FOCAD: variants seen among roughly 807,000 people sequenced by gnomAD.
FOCAD encodes KIAA1797.
A neutral mutation model predicts 225.6 loss-of-function variants in FOCAD; 198 were observed. That is an observed-to-expected ratio of 0.88 (90% confidence interval 0.78 to 0.99). The LOEUF (loss-of-function observed/expected upper bound fraction) is 0.99, where lower values mean the gene tolerates loss of function less well. FOCAD is among the 50% of genes least tolerant of loss of function. FOCAD has a pLI of 0.00. For synonymous variants in FOCAD, 897 were observed against 755.0 expected (o/e 1.19, Z -3.08); for missense variants, 2,713 against 2,123.6 (o/e 1.28, Z -5.46).
intron 19 of FOCAD, among the ~76,000 whole-genome samples, chr9:20,878,121 T>A (rs1315792582): frequency 1.5e-5 from 2 of 132,064 alleles, no homozygotes; most frequent in Non-Finnish European, 3.3e-5. Context: ...GGAGTCATAT[T>A]TGTAAAAAAA....
intron 39 of FOCAD, among the ~76,000 whole-genome samples, chr9:20,984,081 G>A (rs529721203): frequency 1.3e-5 from 2 of 152,300 alleles, no homozygotes; most frequent in Non-Finnish European, 2.9e-5. Flanking sequence ...CCCCAAAAGA[G>A]TTAGTCTGCT....
At chr9:20,664,767 T>C (rs368125817) in intron 2 of FOCAD, among the ~76,000 whole-genome samples, 8 of 151,830 alleles carry the variant, frequency 5.3e-5, no homozygotes, top group African/African-American at 1.5e-4. Flanking sequence ...GCGTGAGCCA[T>C]TGTGCCCGGC....
chr9:20,847,781 T>C (rs1827263690), intron 15 of FOCAD, among the ~76,000 whole-genome samples: 1 of 152,092 alleles, frequency 6.6e-6, no homozygotes, highest in Non-Finnish European at 1.5e-5. Context: ...AAAACATAAA[T>C]GTCAGTTCTT....
chr9:20,891,254 A>G (rs941024502), intron 21 of FOCAD, among the ~76,000 whole-genome samples: 5 of 152,210 alleles, frequency 3.3e-5, no homozygotes, highest in Non-Finnish European at 7.3e-5. Context: ...ACACAACAAT[A>G]TTGAAATTAG....
In FOCAD at chr9:20,943,816, A is replaced by C. The variant is rs73426737; in HGVS notation, c.3408-811A>C. 6.3e-3 allele frequency among the ~76,000 whole-genome samples: 962 copies of C among 152,288 alleles called. 10 individuals carry two copies. The highest frequency in any genetic ancestry group is 0.021 in the African/African-American group (879 of 41,562). On this transcript the variant is annotated intron_variant, in intron 28 of 43. Transcript: ENST00000338382. ...TTCTCCATTTAAAAAACAATGACAA[A>C]AGCTTTTTTTCTTTAAAGTAAAGCA...
chr9:20,871,170 C>T (rs535418104), intron 18 of FOCAD, among the ~76,000 whole-genome samples: 2 of 151,998 alleles, frequency 1.3e-5, no homozygotes, highest in East Asian at 3.9e-4. Context: ...TGCCACTACA[C>T]TCCAGCCCAG....
intron 5 of FOCAD, among the ~76,000 whole-genome samples, chr9:20,749,856 T>A (rs894162699): frequency 6.6e-6 from 1 of 152,120 alleles, no homozygotes. Flanking sequence ...CTATTTTTTT[T>A]AACCCCCTCA....
intron 28 of FOCAD, among the ~76,000 whole-genome samples, chr9:20,934,414 G>A (rs1587655525): frequency 6.6e-6 from 1 of 151,974 alleles, no homozygotes; most frequent in South Asian, 2.1e-4. Flanking sequence ...CTTCTGTACA[G>A]TTTTATTCTC....
intron 11 of FOCAD, among the ~76,000 whole-genome samples, chr9:20,812,913 T>C (rs1244217497): frequency 6.6e-6 from 1 of 152,138 alleles, no homozygotes; most frequent in Non-Finnish European, 1.5e-5. Flanking sequence ...AAATTCTAAT[T>C]GTACTGTACA....
chr9:20,812,094 G>A (rs901695867), intron 11 of FOCAD, among the ~76,000 whole-genome samples: 4 of 152,052 alleles, frequency 2.6e-5, no homozygotes, highest in Non-Finnish European at 5.9e-5. Flanking sequence ...AAGGCTATGA[G>A]TAAAATGTGA....
At chr9:20,820,291 T>C in intron 12 of FOCAD, 33 bp from the exon 13 acceptor site, 1 of 1,522,452 alleles carries the variant, frequency 6.6e-7, no homozygotes, top group Non-Finnish European at 9.0e-7. Context: ...GCATTCAAGT[T>C]TATGCAACTA....
At chr9:20,920,134 C>T (rs1207200999) in intron 24 of FOCAD, among the ~76,000 whole-genome samples, 3 of 152,184 alleles carry the variant, frequency 2.0e-5, no homozygotes, top group Non-Finnish European at 1.5e-5. Context: ...CAGACAACCC[C>T]ATCAACAAGT....
chr9:20,705,533 A>G (rs2131434465), intron 1 of FOCAD, among the ~76,000 whole-genome samples: 1 of 152,266 alleles, frequency 6.6e-6, no homozygotes, highest in African/African-American at 2.4e-5. Flanking sequence ...TTGAAGTAAG[A>G]TTGTGAATGT....
chr9:20,744,055 C>A (rs897664332), intron 5 of FOCAD, among the ~76,000 whole-genome samples: 4 of 152,116 alleles, frequency 2.6e-5, no homozygotes, highest in African/African-American at 9.7e-5. Flanking sequence ...AGCAAGCCAA[C>A]TTTGGATGCT....
intron 18 of FOCAD, among the ~76,000 whole-genome samples, chr9:20,869,879 C>G (rs1829614980): frequency 6.6e-6 from 1 of 152,098 alleles, no homozygotes; most frequent in Non-Finnish European, 1.5e-5. Context: ...TCCAAAATTT[C>G]AGGGGACTTC....
rs748895348 is a variant in FOCAD, at chr9:20,867,015, A to G, written c.2190+3A>G. On this transcript the variant is annotated splice_donor_region_variant and intron_variant, in intron 18 of 43. Transcript: ENST00000338382. ...CCATTCTTCATCTGCCTGAAAAGGT[A>G]GGCATATCTGCTTTCTCACTGGTAT... 3.4e-5 allele frequency: 53 copies of G among 1,562,776 alleles called. No individual in the cohort carries two copies. Among genetic ancestry groups the G allele is most frequent in the Non-Finnish European group, 4.5e-5 (52 of 1,148,004 alleles).
intron 36 of FOCAD, among the ~76,000 whole-genome samples, chr9:20,977,773 A>G (rs908728286): frequency 7.2e-5 from 11 of 152,238 alleles, no homozygotes; most frequent in Admixed American, 1.3e-4. Flanking sequence ...TAATGTCACC[A>G]TACTGGGTTT....
At chr9:20,990,493 C>G in intron 42 of FOCAD, 119 bp downstream of exon 42, 1 of 1,247,396 alleles carries the variant, frequency 8.0e-7, no homozygotes, top group South Asian at 1.5e-5. Context: ...ACTTTCCTAC[C>G]CAGCCCCATA....
At chr9:20,833,553 T>TTA (rs1484633456) in intron 15 of FOCAD, among the ~76,000 whole-genome samples, 4 of 152,232 alleles carry the variant, frequency 2.6e-5, no homozygotes, top group Middle Eastern at 3.4e-3. Context: ...TAAGTAGCAG[T>TTA]TAGAAGCTTC....
Sources: gnomAD v4.1 joint callset for allele counts (sites outside exome capture counted in the v4.1 genomes callset) on GRCh38, gnomAD v4.1.1 for gene constraint, MANE v1.5 for transcripts, NCBI Gene and HGNC (gene_info 2026-07-23, HGNC 2026-07-21) for gene names.